Variants in PKIB observed in about 807,000 individuals in gnomAD.
The protein encoded by PKIB is PKI-beta.
Under a neutral mutation model 4.5 loss-of-function variants are expected in PKIB, and 2 were observed. The ratio of observed to expected loss-of-function variants is 0.44; its 90% confidence interval spans 0.18 to 1.39. PKIB has a LOEUF of 1.39. Among genes scored for constraint, PKIB ranks in the 40% most tolerant of loss-of-function variants. The probability of loss-of-function intolerance (pLI) is 0.27; values close to 1 mark genes in which losing one functional copy is unlikely to be tolerated. For missense variants in PKIB, 94 were observed against 92.6 expected, an observed-to-expected ratio of 1.02 and a Z score of -0.06; for synonymous variants, 38 against 36.0, an observed-to-expected ratio of 1.06 and a Z score of -0.20.
chr6:122,723,917 C>G lies in PKIB; in HGVS notation c.170-1211C>G, dbSNP rs75108178. Among the ~76,000 whole-genome samples, 474 of 152,208 alleles carry G rather than the reference C, an allele frequency of 3.1e-3. 2 individuals carry two copies. Among genetic ancestry groups the G allele is most frequent in the African/African-American group, 0.011 (438 of 41,568 alleles). On this transcript the variant is annotated intron_variant, in intron 4 of 4. Coordinates refer to ENST00000368452, the MANE Select transcript of PKIB (RefSeq NM_181795.3). ...TTTATTTTGTTTATTGTCCATATTT[C>G]TCATCAGATTTTCCTTGAGAGCCGG... is the stretch of plus-strand genomic sequence containing the variant.
At chr6:122,633,408 A>C (rs764697610) in intron 2 of PKIB, 41 bp downstream of exon 2, 2 of 152,236 alleles carry the variant, frequency 1.3e-5, no homozygotes, top group Non-Finnish European at 2.9e-5. Flanking sequence ...AACATATGGA[A>C]TAATATATTG....
At chr6:122,691,196 A>C (rs111278055) in intron 3 of PKIB, among the ~76,000 whole-genome samples, 6 of 152,008 alleles carry the variant, frequency 3.9e-5, no homozygotes, top group African/African-American at 1.4e-4. Flanking sequence ...TTGATATTCT[A>C]TAACCTTCCT....
Position 122,725,330 on chromosome 6 carries a change from T to A in PKIB, c.*135T>A. On this transcript the variant is annotated 3_prime_UTR_variant, in exon 5 of 5. Transcript: ENST00000368452. The stretch of plus-strand genomic sequence containing the variant: ...AAGCAGCATGTGTATATTAGATAAT[T>A]GTGTTGTGATGCTACTCACTTTGAT... 1.5e-6 allele frequency: 1 copy of A among 666,776 alleles called. No individual in the cohort carries two copies. Among genetic ancestry groups the A allele is most frequent in the Non-Finnish European group, 2.6e-6 (1 of 387,738 alleles). The allele number at this position is 666,776 out of a possible 1,614,324, so 41.3% of individuals were successfully genotyped here. A position where few individuals can be genotyped will look rare whatever the true frequency, so the allele number is the denominator to read the frequency against.
At chr6:122,721,510 A>T (rs369637914) in intron 4 of PKIB, among the ~76,000 whole-genome samples, 6 of 152,310 alleles carry the variant, frequency 3.9e-5, no homozygotes, top group East Asian at 3.9e-4. Flanking sequence ...AGAACATACA[A>T]CATTTTTTTC....
rs868342543 is a variant in PKIB, at chr6:122,726,325, A to G, written c.*1130A>G. Reference sequence around the variant, plus strand: ...GATTGTTGACTTAGGCTATGTCTGTATACAGTAACCAAATAAACTCTTTCA... The same window carrying G: ...GATTGTTGACTTAGGCTATGTCTGTGTACAGTAACCAAATAAACTCTTTCA... On this transcript the variant is annotated 3_prime_UTR_variant, in exon 5 of 5. Transcript: ENST00000368452. The G allele has an allele frequency of 1.3e-5, 2 of 152,300 alleles. No homozygotes were observed. The highest frequency in any genetic ancestry group is 6.8e-3 in the Middle Eastern group (2 of 294). 9.4% of individuals were successfully genotyped at this position (152,300 alleles called of 1,614,324 possible).
At chr6:122,612,729 A>G (rs1774814167) in intron 1 of PKIB, among the ~76,000 whole-genome samples, 1 of 152,146 alleles carries the variant, frequency 6.6e-6, no homozygotes, top group Non-Finnish European at 1.5e-5. Context: ...ATATGGGAAT[A>G]TTATGAATCA....
At position 122,599,843 on chromosome 6, in the gene PKIB, A is replaced by C. The variant is rs189061304; in HGVS notation, c.-161+13836A>C. On this transcript the variant is annotated intron_variant, in intron 3 of 6. Coordinates refer to the PKIB transcript ENST00000392491. Reference sequence around the variant, plus strand: ...TAGCATTTTTGGGTCTAATCATATTAAGCAGCCAACTCCAGAAACCCCAAA... The same window carrying C: ...TAGCATTTTTGGGTCTAATCATATTCAGCAGCCAACTCCAGAAACCCCAAA... 1.6e-3 allele frequency among the ~76,000 whole-genome samples: 250 copies of C among 152,232 alleles called. 3 individuals carry two copies. The highest frequency in any genetic ancestry group is 5.6e-3 in the African/African-American group (231 of 41,546).
At chr6:122,485,482 GA>G (rs1371792846) in intron 2 of PKIB, among the ~76,000 whole-genome samples, 3 of 152,218 alleles carry the variant, frequency 2.0e-5, no homozygotes, top group Non-Finnish European at 2.9e-5. Context: ...TTAGGTAAAA[GA>G]TATGTCAGTG....
chr6:122,532,024 A>G (rs1777272904), intron 2 of PKIB, among the ~76,000 whole-genome samples: 1 of 152,212 alleles, frequency 6.6e-6, no homozygotes, highest in Admixed American at 6.5e-5. Context: ...CATCTCTAAA[A>G]TTAGCTTGAC....
chr6:122,598,407 C>A (rs1433228533), intron 3 of PKIB, among the ~76,000 whole-genome samples: 1 of 152,086 alleles, frequency 6.6e-6, no homozygotes, highest in Admixed American at 6.5e-5. Context: ...GCTACACCCA[C>A]CTTGCCTTTC....
At chr6:122,702,572 G>C (rs1037045903) in intron 3 of PKIB, among the ~76,000 whole-genome samples, 7 of 151,838 alleles carry the variant, frequency 4.6e-5, no homozygotes, top group African/African-American at 1.7e-4. Context: ...TGCCCACCTT[G>C]GCCTCCCAAA....
At chr6:122,630,397 A>C (rs1775646913) in intron 1 of PKIB, among the ~76,000 whole-genome samples, 1 of 152,168 alleles carries the variant, frequency 6.6e-6, no homozygotes, top group Admixed American at 6.5e-5. Context: ...TGCCACATAG[A>C]TAAACTTTGA....
At chr6:122,500,033 T>G (rs1490125158) in intron 2 of PKIB, among the ~76,000 whole-genome samples, 1 of 152,126 alleles carries the variant, frequency 6.6e-6, no homozygotes, top group Non-Finnish European at 1.5e-5. Flanking sequence ...GAAACACTGC[T>G]GAAAGAAGTT....
chr6:122,714,580 C>T (rs1314251975), intron 3 of PKIB, among the ~76,000 whole-genome samples: 1 of 152,112 alleles, frequency 6.6e-6, no homozygotes, highest in Non-Finnish European at 1.5e-5. Flanking sequence ...TTGAAATAAA[C>T]GTGAAACCCA....
At chr6:122,522,514 G>A (rs1354297781) in intron 2 of PKIB, among the ~76,000 whole-genome samples, 2 of 152,170 alleles carry the variant, frequency 1.3e-5, no homozygotes, top group African/African-American at 4.8e-5. Context: ...TGCCCAAACA[G>A]CCATCCAGCT....
At chr6:122,495,707 G>C (rs1163444478) in intron 2 of PKIB, among the ~76,000 whole-genome samples, 1 of 152,162 alleles carries the variant, frequency 6.6e-6, no homozygotes, top group Admixed American at 6.5e-5. Flanking sequence ...TCACTTGCAT[G>C]AGTCCAAATG....
intron 3 of PKIB, among the ~76,000 whole-genome samples, chr6:122,594,363 T>A (rs974005228): frequency 3.3e-5 from 5 of 152,050 alleles, no homozygotes; most frequent in African/African-American, 1.2e-4. Context: ...TGCGCCACCA[T>A]GCCCAGCTAA....
chr6:122,525,465 T>C (rs918493211), intron 2 of PKIB, among the ~76,000 whole-genome samples: 4 of 152,156 alleles, frequency 2.6e-5, no homozygotes, highest in Non-Finnish European at 5.9e-5. Flanking sequence ...GGGTGGAATG[T>C]TCTGTATATG....
At chr6:122,527,442 G>A (rs1414142681) in intron 2 of PKIB, among the ~76,000 whole-genome samples, 3 of 152,032 alleles carry the variant, frequency 2.0e-5, no homozygotes, top group African/African-American at 2.4e-5. Flanking sequence ...AAGCAGATAT[G>A]TGCAAATTTT....
Sources: gnomAD v4.1 joint callset for allele counts (sites outside exome capture counted in the v4.1 genomes callset) on GRCh38, gnomAD v4.1.1 for gene constraint, MANE v1.5 for transcripts, NCBI Gene and HGNC (gene_info 2026-07-23, HGNC 2026-07-21) for gene names.